FGF5: variants seen among roughly 807,000 people sequenced by gnomAD.
FGF5 encodes the protein fibroblast growth factor 5.
FGF5 carries 23 observed loss-of-function variants against 21.8 expected under a neutral mutation model. That is an observed-to-expected ratio of 1.05 (90% CI 0.76 to 1.49). The LOEUF (loss-of-function observed/expected upper bound fraction) is 1.49. Ranked by LOEUF, FGF5 falls within the 40% of genes most tolerant of loss-of-function variation. The pLI is 0.00. For missense variants in FGF5, 352 were observed against 332.9 expected, an observed-to-expected ratio of 1.06 and a Z score of -0.45; for synonymous variants, 158 against 124.0, an observed-to-expected ratio of 1.27 and a Z score of -1.82.
rs1720751987 is a variant in FGF5 at position 80,286,959 on chromosome 4, A to G, written c.*287A>G. The G allele has an allele frequency of 3.6e-6, 1 of 276,068 alleles. No homozygotes were observed. The highest frequency in any genetic ancestry group is 2.2e-5 in the African/African-American group (1 of 46,276). 17.1% of individuals were successfully genotyped at this position (276,068 alleles called of 1,614,324 possible). ...GAACTTTGTATTTTCGGAAAGTTAA[A>G]TAACAGGGACTACGTATTTTTCTGA... is the stretch of plus-strand genomic sequence containing the variant. On this transcript the variant is annotated 3_prime_UTR_variant, in exon 3 of 3. Transcript: ENST00000312465.
intron 1 of FGF5, among the ~76,000 whole-genome samples, chr4:80,272,160 C>A (rs1292017163): frequency 6.6e-6 from 1 of 152,166 alleles, no homozygotes; most frequent in African/African-American, 2.4e-5. Context: ...CATCTAGTCT[C>A]ATCTCTTACA....
chr4:80,283,057 G>A (rs1720601910), intron 2 of FGF5, among the ~76,000 whole-genome samples: 1 of 152,168 alleles, frequency 6.6e-6, no homozygotes, highest in African/African-American at 2.4e-5. Flanking sequence ...ATACTAACAG[G>A]AATAGTCAAT....
rs888741749 is a variant in FGF5 at position 80,288,102 on chromosome 4, C to T, written c.*1430C>T. On this transcript the variant is annotated 3_prime_UTR_variant, in exon 3 of 3. Transcript: ENST00000312465. ...CAGAAATGTGGCAAAAAAGGCATAG[C>T]TAAAGGCTAAACATATGGCTTTAGT... is the stretch of plus-strand genomic sequence containing the variant. The T allele has an allele frequency of 7.2e-5, 11 of 152,100 alleles. No individual in the cohort carries two copies. The highest frequency in any genetic ancestry group is 2.7e-4 in the African/African-American group (11 of 41,426). 9.4% of individuals were successfully genotyped at this position (152,100 alleles called of 1,614,324 possible). A position where few individuals can be genotyped will look rare whatever the true frequency, so the allele number is the denominator to read the frequency against.
rs192875981 is a variant in FGF5 at position 80,277,828 on chromosome 4, T to C, written c.459+2816T>C. ...TTCTGGGAAAAGTAATCCCCCACTGTACTGAGAAATATTCATGGATACTTG... is the reference window on the plus strand; with the variant it reads ...TTCTGGGAAAAGTAATCCCCCACTGCACTGAGAAATATTCATGGATACTTG... On this transcript the variant is annotated intron_variant, in intron 2 of 2. Transcript: ENST00000312465. 2.6e-4 allele frequency among the ~76,000 whole-genome samples: 39 copies of C among 152,254 alleles called. No homozygotes were observed. The East Asian group carries it at 7.5e-3, about 29-fold the overall frequency.
chr4:80,282,641 T>C (rs954140872), intron 2 of FGF5, among the ~76,000 whole-genome samples: 3 of 152,176 alleles, frequency 2.0e-5, no homozygotes, highest in African/African-American at 7.2e-5. Context: ...TAAACAAATA[T>C]TTAAACAATT....
At position 80,286,605 on chromosome 4, in the gene FGF5, T is replaced by G; in HGVS notation, c.740T>G (p.Ile247Ser). Reference sequence around the variant, plus strand: ...CCACCTAGCCCTATCAAGCCAAAGATTCCCCTTTCTGCACCTCGGAAAAAT... The same window carrying G: ...CCACCTAGCCCTATCAAGCCAAAGAGTCCCCTTTCTGCACCTCGGAAAAAT... ...KKPPSPIKPK[I>S]PLSAPRKNTN... Residue 247 changes from isoleucine to serine, a missense_variant, in exon 3 of 3, where the codon ATT becomes AGT. Transcript: ENST00000312465. The G allele has an allele frequency of 1.2e-6, 2 of 1,614,048 alleles. No individual in the cohort carries two copies. The highest frequency in any genetic ancestry group is 1.7e-6 in the Non-Finnish European group (2 of 1,179,970).
intron 2 of FGF5, among the ~76,000 whole-genome samples, chr4:80,285,391 T>C (rs1560502231): frequency 1.3e-5 from 2 of 152,196 alleles, no homozygotes; most frequent in Admixed American, 1.3e-4. Context: ...GAAAATCCTT[T>C]CTTATTTTGC....
In FGF5 at chr4:80,287,433, G is replaced by C. The variant is rs1201339167; in HGVS notation, c.*761G>C. The C allele has an allele frequency of 6.6e-6, 1 of 152,148 alleles. No homozygotes were observed. The highest frequency in any genetic ancestry group is 1.5e-5 in the Non-Finnish European group (1 of 68,016). The allele number at this position is 152,148 out of a possible 1,614,324, so 9.4% of individuals were successfully genotyped here. A position where few individuals can be genotyped will look rare whatever the true frequency, so the allele number is the denominator to read the frequency against. ...TTGGTGGCTGGGATATGATGGGTTA[G>C]AAGCAAGGAGAAAATATAAGGACTT... is the stretch of plus-strand genomic sequence containing the variant. On this transcript the variant is annotated 3_prime_UTR_variant, in exon 3 of 3. Transcript: ENST00000312465.
At chr4:80,280,172 T>C (rs1357728693) in intron 2 of FGF5, among the ~76,000 whole-genome samples, 2 of 152,238 alleles carry the variant, frequency 1.3e-5, no homozygotes, top group African/African-American at 4.8e-5. Context: ...TTGAAAAGAA[T>C]ATTTTTTTGC....
At position 80,286,730 on chromosome 4, in the gene FGF5, C is replaced by T; in HGVS notation, c.*58C>T. On this transcript the variant is annotated 3_prime_UTR_variant, in exon 3 of 3. Coordinates refer to ENST00000312465, the MANE Select transcript of FGF5 (RefSeq NM_004464.4). ...TCCCCTCAGGAGTTTCTATAGGTGT[C>T]TTCAGAGTTCTGAAGAAAAATTACT... is the stretch of plus-strand genomic sequence containing the variant. 1 of 1,356,294 alleles carries T rather than the reference C, an allele frequency of 7.4e-7. No homozygotes were observed. The highest frequency in any genetic ancestry group is 1.0e-6 in the Non-Finnish European group (1 of 976,076). The allele number at this position is 1,356,294 out of a possible 1,614,324, so 84.0% of individuals were successfully genotyped here.
chr4:80,277,422 G>A (rs369106371), intron 2 of FGF5, among the ~76,000 whole-genome samples: 2 of 152,124 alleles, frequency 1.3e-5, no homozygotes, highest in East Asian at 1.9e-4. Context: ...GCATTTATTA[G>A]CACTTTTCCT....
chr4:80,266,750 C>G lies in FGF5; in HGVS notation c.-75C>G. The G allele has an allele frequency of 7.8e-7, 1 of 1,288,042 alleles. No homozygotes were observed. 79.8% of individuals were successfully genotyped at this position (1,288,042 alleles called of 1,614,324 possible). On this transcript the variant is annotated 5_prime_UTR_variant, in exon 1 of 3. Coordinates refer to ENST00000312465, the MANE Select transcript of FGF5 (RefSeq NM_004464.4). ...GCGGCGAGGCGGGCAGAGCCAGAGGCACGCAGCCGCACAGGGGCTACAGAG... is the reference window on the plus strand; with the variant it reads ...GCGGCGAGGCGGGCAGAGCCAGAGGGACGCAGCCGCACAGGGGCTACAGAG...
chr4:80,275,606 T>C (rs1270524453), intron 2 of FGF5, among the ~76,000 whole-genome samples: 1 of 152,122 alleles, frequency 6.6e-6, no homozygotes, highest in African/African-American at 2.4e-5. Context: ...AATTTTGCAT[T>C]CTCAAAAATT....
chr4:80,282,918 G>C (rs1720596669), intron 2 of FGF5, among the ~76,000 whole-genome samples: 1 of 152,026 alleles, frequency 6.6e-6, no homozygotes. Flanking sequence ...ATTTTCTAAT[G>C]GTAAATGTAT....
chr4:80,269,722 A>G (rs924907554), intron 1 of FGF5, among the ~76,000 whole-genome samples: 5 of 151,664 alleles, frequency 3.3e-5, no homozygotes, highest in African/African-American at 4.8e-5. Flanking sequence ...CATGTACCCA[A>G]TATAAGATAC....
intron 2 of FGF5, among the ~76,000 whole-genome samples, chr4:80,282,865 G>A (rs563700757): frequency 1.3e-5 from 2 of 151,944 alleles, no homozygotes; most frequent in Admixed American, 1.3e-4. Flanking sequence ...TTAAAAAAAA[G>A]ATTTAAAAAA....
At position 80,266,857 on chromosome 4, in the gene FGF5, C is replaced by T. The variant is rs1720102104; in HGVS notation, c.33C>T (p.Phe11=). 1 of 1,605,320 alleles carries T rather than the reference C, an allele frequency of 6.2e-7. No individual in the cohort carries two copies. The highest frequency in any genetic ancestry group is 8.5e-7 in the Non-Finnish European group (1 of 1,176,470). Residue 11 remains phenylalanine, a synonymous_variant, in exon 1 of 3, where the codon TTC becomes TTT. Coordinates refer to ENST00000312465, the MANE Select transcript of FGF5 (RefSeq NM_004464.4). ...TGTCCTTCCTCCTCCTCCTCTTCTT[C>T]AGCCACCTGATCCTCAGCGCCTGGG... MSLSFLLLLF[F]SHLILSAWAH...
rs1720830089 is a variant in FGF5 at position 80,289,225 on chromosome 4, T to C, written c.*2553T>C. 6.6e-6 allele frequency: 1 copy of C among 152,214 alleles called. No individual in the cohort carries two copies. The highest frequency in any genetic ancestry group is 1.5e-5 in the Non-Finnish European group (1 of 68,010). The allele number at this position is 152,214 out of a possible 1,614,324, so 9.4% of individuals were successfully genotyped here. ...TCAGGATGGTCTCAATCCTGGCCTCTTGATAGTCCTGACCTCATGATCTGC... is the reference window on the plus strand; with the variant it reads ...TCAGGATGGTCTCAATCCTGGCCTCCTGATAGTCCTGACCTCATGATCTGC... On this transcript the variant is annotated 3_prime_UTR_variant, in exon 3 of 3. Coordinates refer to ENST00000312465, the MANE Select transcript of FGF5 (RefSeq NM_004464.4).
chr4:80,286,968 A>T lies in FGF5; in HGVS notation c.*296A>T, dbSNP rs1299987099. On this transcript the variant is annotated 3_prime_UTR_variant, in exon 3 of 3. Transcript: ENST00000312465. ...ATTTTCGGAAAGTTAAATAACAGGG[A>T]CTACGTATTTTTCTGACTTTTACAG... 1.6e-5 allele frequency: 4 copies of T among 254,948 alleles called. No homozygotes were observed. Among genetic ancestry groups the T allele is most frequent in the Non-Finnish European group, 3.0e-5 (4 of 133,498 alleles). The allele number at this position is 254,948 out of a possible 1,614,324, so 15.8% of individuals were successfully genotyped here. A position where few individuals can be genotyped will look rare whatever the true frequency, so the allele number is the denominator to read the frequency against.
Sources: gnomAD v4.1 joint callset for allele counts (sites outside exome capture counted in the v4.1 genomes callset) on GRCh38, gnomAD v4.1.1 for gene constraint, MANE v1.5 for transcripts, NCBI Gene and HGNC (gene_info 2026-07-23, HGNC 2026-07-21) for gene names.